The following SMARCD3 variants were observed in gnomAD, a reference collection of about 807,000 sequenced individuals.
The protein encoded by SMARCD3 is SWI/SNF-related matrix-associated actin-dependent regulator of chromatin subfamily D member 3.
In SMARCD3, 14 loss-of-function variants were observed where a neutral mutation model predicts 58.0. The observed-to-expected ratio is 0.24, with a 90% CI of 0.16 to 0.38. The LOEUF (loss-of-function observed/expected upper bound fraction) is 0.38. Among genes scored for constraint, SMARCD3 ranks in the 10% least tolerant of loss-of-function variants. The probability of loss-of-function intolerance (pLI) is 1.00; values close to 1 mark genes in which losing one functional copy is unlikely to be tolerated. For synonymous variants in SMARCD3, 253 were observed against 253.8 expected, an observed-to-expected ratio of 1.00 and a Z score of 0.03; for missense variants, 408 against 636.9, an observed-to-expected ratio of 0.64 and a Z score of 3.87.
intron 2 of SMARCD3, among the ~76,000 whole-genome samples, chr7:151,260,602 T>C (rs943450363): frequency 2.6e-5 from 4 of 152,088 alleles, no homozygotes; most frequent in African/African-American, 9.7e-5. Context: ...CACACCTGAA[T>C]CCCATGGTGA....
Position 151,241,306 on chromosome 7 carries a change from G to A in SMARCD3, c.939+186C>T, listed in dbSNP as rs1802972297. On this transcript the variant is annotated intron_variant, in intron 8 of 12. Coordinates refer to ENST00000262188, the MANE Select transcript of SMARCD3 (RefSeq NM_001003801.2). This position sits in a 1 kb window ranked among gnomAD's most constrained non-coding sequence, Gnocchi z 5.3. ...TAACATGGATTGGCTGCAGCACAGA[G>A]CTAATCCACAGTAGGGCCTGAACTA... The A allele has an allele frequency of 1.5e-6, 1 of 671,816 alleles. No individual in the cohort carries two copies. Among genetic ancestry groups the A allele is most frequent in the Admixed American group, 2.1e-5 (1 of 48,164 alleles). 41.6% of individuals were successfully genotyped at this position (671,816 alleles called of 1,614,324 possible). A position where few individuals can be genotyped will look rare whatever the true frequency, so the allele number is the denominator to read the frequency against.
chr7:151,241,424 T>C lies in SMARCD3; in HGVS notation c.939+68A>G. ...AAGGGAGGGGTGGTAGTTACCTTGG[T>C]AGAGGTACTTCCCCTGCTGGAGAAC... On this transcript the variant is annotated intron_variant, in intron 8 of 12. Coordinates refer to ENST00000262188, the MANE Select transcript of SMARCD3 (RefSeq NM_001003801.2). This position sits in a 1 kb window ranked among gnomAD's most constrained non-coding sequence, Gnocchi z 5.3. The C allele has an allele frequency of 7.3e-7, 1 of 1,361,888 alleles. No individual in the cohort carries two copies. Among genetic ancestry groups the C allele is most frequent in the Non-Finnish European group, 1.0e-6 (1 of 966,594 alleles). 84.4% of individuals were successfully genotyped at this position (1,361,888 alleles called of 1,614,324 possible). A position where few individuals can be genotyped will look rare whatever the true frequency, so the allele number is the denominator to read the frequency against.
At chr7:151,275,157 G>A in exon 2 of SMARCD3, 1 of 1,611,882 alleles carries the variant, frequency 6.2e-7, no homozygotes, top group Non-Finnish European at 8.5e-7. Flanking sequence ...AGTCATAGAT[G>A]GCAGGGTCCT....
chr7:151,242,653 G>GA lies in SMARCD3; in HGVS notation c.457-51dup. The GA allele has an allele frequency of 6.2e-7, 1 of 1,611,506 alleles. No homozygotes were observed. The highest frequency in any genetic ancestry group is 8.5e-7 in the Non-Finnish European group (1 of 1,178,050). ...GGCGAATGCTGTGTGCTCCCACCCC[G>GA]ACCACCCTGCTTCCCCATCCTGGTC... On this transcript the variant is annotated intron_variant, in intron 4 of 12. Coordinates refer to ENST00000262188, the MANE Select transcript of SMARCD3 (RefSeq NM_001003801.2). This position sits in a 1 kb window ranked among gnomAD's most constrained non-coding sequence, Gnocchi z 4.7.
chr7:151,271,814 C>T lies in SMARCD3; in HGVS notation c.39+3300G>A, dbSNP rs145352273. Among the ~76,000 whole-genome samples, 139 of 152,068 alleles carry T rather than the reference C, an allele frequency of 9.1e-4. 1 individual carries two copies. The highest frequency in any genetic ancestry group is 3.1e-3 in the African/African-American group (127 of 41,480). On this transcript the variant is annotated intron_variant, in intron 2 of 13. Transcript: ENST00000356800. Reference sequence around the variant, plus strand: ...AAAATAAAAACAAAACAAACAAAAGCTAGGGGGCATTGTGGCTTACGCTTG... The same window carrying T: ...AAAATAAAAACAAAACAAACAAAAGTTAGGGGGCATTGTGGCTTACGCTTG...
intron 2 of SMARCD3, among the ~76,000 whole-genome samples, chr7:151,259,611 T>TGTTGTTGTTG (rs766224003): frequency 2.8e-5 from 3 of 105,612 alleles, no homozygotes; most frequent in Non-Finnish European, 5.8e-5. Context: ...GTTTTTTTTT[T>TGTTGTTGTTG]TTTTTTTTTT....
Position 151,240,462 on chromosome 7 carries a change from A to G in SMARCD3, c.1000T>C (p.Leu334=). The part of the protein sequence containing the change: ...EIPQRLTALL[L]PPDPIVINHV... ...TTGATGACAATTGGGTCAGGGGGCA[A>G]TAGCAGGGCTGTGAGGCGCTGGGGA... The change falls in exon 9 of 13, where the codon TTG becomes CTG. Residue 334 remains leucine (L), a synonymous_variant. Coordinates refer to ENST00000262188, the MANE Select transcript of SMARCD3 (RefSeq NM_001003801.2). The G allele has an allele frequency of 5.6e-6, 9 of 1,613,968 alleles. No individual in the cohort carries two copies. Among genetic ancestry groups the G allele is most frequent in the Non-Finnish European group, 7.6e-6 (9 of 1,179,994 alleles).
rs1445926271 is a variant in SMARCD3, at chr7:151,243,321, CTT to C, written c.333+336_333+337del. 3.9e-5 allele frequency among the ~76,000 whole-genome samples: 6 copies of C among 152,288 alleles called. No individual in the cohort carries two copies. Among genetic ancestry groups the C allele is most frequent in the African/African-American group, 1.4e-4 (6 of 41,570 alleles). On this transcript the variant is annotated intron_variant, in intron 3 of 12. Transcript: ENST00000262188. The surrounding 1 kb of genome is among the most constrained non-coding windows in gnomAD (Gnocchi z 4.4). The stretch of plus-strand genomic sequence containing the variant: ...CCCATACCCAGCTGGACCTGGGTCT[CTT>C]TAGGATGCTCAGGATCTCTGGCCAC...
intron 2 of SMARCD3, among the ~76,000 whole-genome samples, chr7:151,244,084 G>A (rs983648308): frequency 2.0e-5 from 3 of 152,192 alleles, no homozygotes; most frequent in Admixed American, 2.0e-4. Flanking sequence ...GACCTTTTCT[G>A]GAAAGCAGGG....
Position 151,239,842 on chromosome 7 carries a change from C to G in SMARCD3, c.1174-96G>C. 2 of 1,341,710 alleles carry G rather than the reference C, an allele frequency of 1.5e-6. No homozygotes were observed. Among genetic ancestry groups the G allele is most frequent in the Non-Finnish European group, 2.1e-6 (2 of 952,616 alleles). 83.1% of individuals were successfully genotyped at this position (1,341,710 alleles called of 1,614,324 possible). ...TGGGAAGGGGAGGGAGAGGGGGTTT[C>G]TTCTGTGAAGGACAACCCCTCAGAG... On this transcript the variant is annotated intron_variant, in intron 10 of 12. Transcript: ENST00000262188. The surrounding 1 kb of genome is among the most constrained non-coding windows in gnomAD (Gnocchi z 7.0).
In SMARCD3 at chr7:151,246,903, A is replaced by G. The variant is rs1451084209; in HGVS notation, c.79-1232T>C. On this transcript the variant is annotated intron_variant, in intron 1 of 12. Transcript: ENST00000262188. The surrounding 1 kb of genome is among the most constrained non-coding windows in gnomAD (Gnocchi z 4.4). ...AGGGGATGCAGACCCTGGCACTGTTAACATGGACACACCACCCACCTCACC... is the reference window on the plus strand; with the variant it reads ...AGGGGATGCAGACCCTGGCACTGTTGACATGGACACACCACCCACCTCACC... Among the ~76,000 whole-genome samples, 1 of 152,006 alleles carries G rather than the reference A, an allele frequency of 6.6e-6. No homozygotes were observed. Among genetic ancestry groups the G allele is most frequent in the Non-Finnish European group, 1.5e-5 (1 of 67,966 alleles).
intron 1 of SMARCD3, among the ~76,000 whole-genome samples, chr7:151,276,075 G>A (rs1395989726): frequency 2.6e-5 from 4 of 151,490 alleles, no homozygotes; most frequent in Non-Finnish European, 4.4e-5. Context: ...GGTGGGGTCC[G>A]GGAGACAGAG....
rs1186127011 is a variant in SMARCD3, at chr7:151,242,727, G to C, written c.450C>G (p.Pro150=). The C allele has an allele frequency of 6.2e-7, 1 of 1,613,972 alleles. No individual in the cohort carries two copies. The highest frequency in any genetic ancestry group is 1.7e-4 in the Middle Eastern group (1 of 6,060). ...RVDIQEALKR[P]MKQKRKLRLY... The stretch of plus-strand genomic sequence containing the variant: ...TACCCCCGAACTAAGGCACCTTCAT[G>C]GGCCTCTTCAGAGCCTCCTGGATGT... Residue 150 remains proline (P), a synonymous_variant, in exon 4 of 13, where the codon CCC becomes CCG. Transcript: ENST00000262188. This position sits in a 1 kb window ranked among gnomAD's most constrained non-coding sequence, Gnocchi z 4.7.
Position 151,239,471 on chromosome 7 carries a change from AG to A in SMARCD3, c.1322del (p.Pro441LeufsTer133). 1 of 1,613,750 alleles carries A rather than the reference AG, an allele frequency of 6.2e-7. No individual in the cohort carries two copies. The highest frequency in any genetic ancestry group is 8.5e-7 in the Non-Finnish European group (1 of 1,179,902). Reference protein sequence around the residue: ...LKVMTDVAGNPEEERRAEFYH... With the variant: ...LKVMTDVAGNXEEERRAEFYH... ...AGAACTCAGCCCGGCGCTCCTCTTCAGGGTTGCCGGCTACATCTGTCATCAC... is the reference window on the plus strand; with the variant it reads ...AGAACTCAGCCCGGCGCTCCTCTTCAGGTTGCCGGCTACATCTGTCATCAC... On this transcript the variant is annotated frameshift_variant, in exon 12 of 13. Coordinates refer to ENST00000262188, the MANE Select transcript of SMARCD3 (RefSeq NM_001003801.2). LOFTEE classifies it high-confidence loss of function. This position sits in a 1 kb window ranked among gnomAD's most constrained non-coding sequence, Gnocchi z 7.0.
chr7:151,265,099 A>G (rs1013287464), intron 2 of SMARCD3, among the ~76,000 whole-genome samples: 5 of 152,182 alleles, frequency 3.3e-5, no homozygotes, highest in African/African-American at 1.2e-4. Context: ...TCCCCCTGCT[A>G]TGGGTTGAAC....
rs887562732 is a variant in SMARCD3 at position 151,243,402 on chromosome 7, C to T, written c.333+257G>A. ...CTTCTGATCCCCTAGCTCTTGCCCC[C>T]TCCTGGTCCCACAGCTCTATAGTAC... On this transcript the variant is annotated intron_variant, in intron 3 of 12. Coordinates refer to ENST00000262188, the MANE Select transcript of SMARCD3 (RefSeq NM_001003801.2). The surrounding 1 kb of genome is among the most constrained non-coding windows in gnomAD (Gnocchi z 4.4). Among the ~76,000 whole-genome samples, 3 of 152,206 alleles carry T rather than the reference C, an allele frequency of 2.0e-5. No individual in the cohort carries two copies. Among genetic ancestry groups the T allele is most frequent in the Non-Finnish European group, 2.9e-5 (2 of 68,026 alleles).
intron 2 of SMARCD3, among the ~76,000 whole-genome samples, chr7:151,261,682 A>T (rs1048606578): frequency 2.0e-5 from 3 of 152,206 alleles, no homozygotes; most frequent in African/African-American, 7.2e-5. Context: ...GCTGCTGCTC[A>T]TCTGCCTTAT....
At position 151,238,854 on chromosome 7, in the gene SMARCD3, G is replaced by A. The variant is rs1183439773; in HGVS notation, c.*249C>T. On this transcript the variant is annotated 3_prime_UTR_variant, in exon 13 of 13. Coordinates refer to ENST00000262188, the MANE Select transcript of SMARCD3 (RefSeq NM_001003801.2). The stretch of plus-strand genomic sequence containing the variant: ...TTAGGTCTAGGGAAAATTGAGTAAG[G>A]AGAAGAATCCAAGGGAAGGGAATGG... 1.4e-6 allele frequency: 2 copies of A among 1,455,844 alleles called. No homozygotes were observed. Among genetic ancestry groups the A allele is most frequent in the African/African-American group, 1.4e-5 (1 of 71,326 alleles). The allele number at this position is 1,455,844 out of a possible 1,614,324, so 90.2% of individuals were successfully genotyped here.
In SMARCD3 at chr7:151,248,621, T is replaced by G; in HGVS notation, c.-59A>C. 1.2e-6 allele frequency: 2 copies of G among 1,605,252 alleles called. No homozygotes were observed. The highest frequency in any genetic ancestry group is 4.5e-5 in the East Asian group (2 of 44,610). On this transcript the variant is annotated 5_prime_UTR_variant, in exon 1 of 13. Coordinates refer to ENST00000262188, the MANE Select transcript of SMARCD3 (RefSeq NM_001003801.2). This position sits in a 1 kb window ranked among gnomAD's most constrained non-coding sequence, Gnocchi z 6.1. Reference sequence around the variant, plus strand: ...TCTCTCTTCCTCTTTCTTTCCCTTTTCTGCCTTTTTTTTTCCTCCAACTCT... The same window carrying G: ...TCTCTCTTCCTCTTTCTTTCCCTTTGCTGCCTTTTTTTTTCCTCCAACTCT...
Sources: allele counts gnomAD v4.1 joint callset (sites outside exome capture counted in the v4.1 genomes callset), GRCh38; gene constraint gnomAD v4.1.1; non-coding constraint Gnocchi (gnomAD v3.1); transcripts MANE v1.5; gene names NCBI Gene and HGNC (gene_info 2026-07-23, HGNC 2026-07-21).